The following PHF19 variants were observed in gnomAD, a reference collection of about 807,000 sequenced individuals.
The protein encoded by PHF19 is PHD finger protein 19, also known as polycomb like 3.
In PHF19, 21 loss-of-function variants were observed where a neutral mutation model predicts 79.8. The observed-to-expected ratio is 0.26, with a 90% CI of 0.19 to 0.38. The LOEUF (loss-of-function observed/expected upper bound fraction) is 0.38. Ranked by LOEUF, PHF19 falls within the 10% of genes least tolerant of loss-of-function variation. The pLI is 1.00. For missense variants in PHF19, 445 were observed against 744.2 expected, an observed-to-expected ratio of 0.60 and a Z score of 4.68; for synonymous variants, 273 against 296.3, an observed-to-expected ratio of 0.92 and a Z score of 0.81.
chr9:120,869,144 T>A lies in PHF19; in HGVS notation c.614+38A>T. ...TCCCTGCTGGCGATTCTTGGAGACC[T>A]GCCCTGCCGCCCGGGGGGCCCTGAC... On this transcript the variant is annotated intron_variant, in intron 6 of 14. Transcript: ENST00000373896. This position sits in a 1 kb window ranked among gnomAD's most constrained non-coding sequence, Gnocchi z 5.8. 1 of 1,577,564 alleles carries A rather than the reference T, an allele frequency of 6.3e-7. No homozygotes were observed. Among genetic ancestry groups the A allele is most frequent in the Non-Finnish European group, 8.6e-7 (1 of 1,162,366 alleles).
chr9:120,901,011 C>T, the PHF19 span, among the ~76,000 whole-genome samples: 3 of 152,244 alleles, frequency 2.0e-5, no homozygotes, highest in Non-Finnish European at 4.4e-5. Flanking sequence ...GCTTGTATGG[C>T]ACTGACTGCT....
upstream of PHF19, among the ~76,000 whole-genome samples, chr9:120,881,167 TGAGA>T (rs1166987050): frequency 8.0e-6 from 1 of 124,586 alleles, no homozygotes. Flanking sequence ...TTTTTTTTTT[TGAGA>T]GAGTCTCGCT....
intron 3 of PHF19, among the ~76,000 whole-genome samples, chr9:120,873,568 G>C (rs150420228): frequency 6.6e-6 from 1 of 152,360 alleles, no homozygotes; most frequent in Non-Finnish European, 1.5e-5. Flanking sequence ...TGTTAAATCA[G>C]GGACACTGTG....
upstream of PHF19, chr9:120,877,441 G>A (rs1337161112): frequency 3.3e-5 from 24 of 728,068 alleles, 1 homozygote; most frequent in South Asian, 1.2e-3. Context: ...GCCCCCGCCC[G>A]CCCCCGCCCG....
chr9:120,860,159 GAGA>G lies in PHF19; in HGVS notation c.1328_1330del (p.Phe443del), dbSNP rs2045478013. The G allele has an allele frequency of 4.4e-6, 7 of 1,596,408 alleles. No homozygotes were observed. The highest frequency in any genetic ancestry group is 3.4e-4 in the Middle Eastern group (2 of 5,926). On this transcript the variant is annotated inframe_deletion, in exon 14 of 15. Transcript: ENST00000373896. The surrounding 1 kb of genome is among the most constrained non-coding windows in gnomAD (Gnocchi z 4.1). The stretch of plus-strand genomic sequence containing the variant: ...GGCAGCGTCGGTGGAGTCGACATCT[GAGA>G]AGAAGGTCTGGCCTGAGCTGGCACT...
upstream of PHF19, among the ~76,000 whole-genome samples, chr9:120,881,135 C>A (rs1315425059): frequency 7.0e-6 from 1 of 142,184 alleles, no homozygotes; most frequent in African/African-American, 2.6e-5. Flanking sequence ...CAGAAGGAAG[C>A]ACATCGGGGG....
intron 1 of PHF19, among the ~76,000 whole-genome samples, chr9:120,894,226 A>G (rs1270506434): frequency 6.6e-6 from 1 of 152,176 alleles, no homozygotes; most frequent in Non-Finnish European, 1.5e-5. Context: ...CTGATCACCC[A>G]CTACCTTTGG....
intron 1 of PHF19, among the ~76,000 whole-genome samples, chr9:120,876,611 C>A (rs1324598093): frequency 6.6e-6 from 1 of 152,076 alleles, no homozygotes; most frequent in Non-Finnish European, 1.5e-5. Flanking sequence ...GGGCAGGAAG[C>A]GAGGATGATT....
At chr9:120,876,276 C>A (rs1259064019) in intron 1 of PHF19, 1 of 152,336 alleles carries the variant, frequency 6.6e-6, no homozygotes, top group African/African-American at 2.4e-5. Context: ...TCCCTGTCCT[C>A]TCCCTGCCAC....
In PHF19 at chr9:120,869,856, G is replaced by A. The variant is rs2045840347; in HGVS notation, c.454C>T (p.Leu152=). The change falls in exon 5 of 15, where the codon CTG becomes TTG. Residue 152 remains leucine (L), a synonymous_variant. Transcript: ENST00000373896. This position sits in a 1 kb window ranked among gnomAD's most constrained non-coding sequence, Gnocchi z 5.8. Reference sequence around the variant, plus strand: ...GATGGAAGGCTCACCCGCACAGCCAGTGCGAAGATGCAGCGTCGGCAGAAC... The same window carrying A: ...GATGGAAGGCTCACCCGCACAGCCAATGCGAAGATGCAGCGTCGGCAGAAC... ...PWFCRRCIFA[L]AVRKGGALKK... The A allele has an allele frequency of 1.9e-6, 3 of 1,612,494 alleles. No individual in the cohort carries two copies. In the South Asian group the frequency reaches 3.3e-5, roughly 18 times the overall value.
intron 3 of PHF19, among the ~76,000 whole-genome samples, chr9:120,873,304 TTG>T (rs2045957819): frequency 6.6e-6 from 1 of 152,212 alleles, no homozygotes; most frequent in South Asian, 2.1e-4. Flanking sequence ...CTGATGTCTG[TTG>T]TGTGTATGGG....
chr9:120,872,138 A>G (rs967118285), intron 3 of PHF19, among the ~76,000 whole-genome samples: 1 of 150,726 alleles, frequency 6.6e-6, no homozygotes, highest in Admixed American at 6.6e-5. Context: ...GTGTTCCAAG[A>G]CGTTTGTTGA....
intron 1 of PHF19, among the ~76,000 whole-genome samples, chr9:120,886,086 C>T (rs1310024472): frequency 6.6e-6 from 1 of 152,238 alleles, no homozygotes; most frequent in Non-Finnish European, 1.5e-5. Flanking sequence ...TGTCTTATAG[C>T]TGCTTCTTCC....
At chr9:120,868,213 A>C (rs1288856139) in intron 6 of PHF19, 1 of 152,386 alleles carries the variant, frequency 6.6e-6, no homozygotes, top group African/African-American at 2.4e-5. Context: ...CTGGGACTAC[A>C]GGCGTGTGCC....
At chr9:120,877,984 G>A (rs10985071), upstream of PHF19, among the ~76,000 whole-genome samples, 8,846 of 152,250 alleles carry the variant, frequency 0.058, 769 homozygotes, top group African/African-American at 0.19. Context: ...AGAGACACAA[G>A]TTTTCCTGAA....
chr9:120,877,040 G>T, intron 1 of PHF19, 51 bp downstream of exon 1: 1 of 985,554 alleles, frequency 1.0e-6, no homozygotes, highest in East Asian at 1.1e-4. Flanking sequence ...AGGGATGAGG[G>T]CCGGGAGGGG....
chr9:120,870,756 A>G lies in PHF19; in HGVS notation c.269-218T>C, dbSNP rs1202746081. ...GAAAGGTTAAGTCCCTTGCTTAGCT[A>G]GTAAGTAGGTGAGGGGGGGATTAAA... On this transcript the variant is annotated intron_variant, in intron 3 of 14. Coordinates refer to ENST00000373896, the MANE Select transcript of PHF19 (RefSeq NM_015651.3). The surrounding 1 kb of genome is among the most constrained non-coding windows in gnomAD (Gnocchi z 4.4). Among the ~76,000 whole-genome samples, 2 of 152,218 alleles carry G rather than the reference A, an allele frequency of 1.3e-5. No homozygotes were observed. Among genetic ancestry groups the G allele is most frequent in the African/African-American group, 4.8e-5 (2 of 41,452 alleles).
At chr9:120,897,755 G>A (rs988947032), upstream of PHF19, among the ~76,000 whole-genome samples, 4 of 152,072 alleles carry the variant, frequency 2.6e-5, no homozygotes, top group African/African-American at 9.7e-5. Flanking sequence ...GAGGCAGGCG[G>A]ATCACTTGAG....
upstream of PHF19, among the ~76,000 whole-genome samples, chr9:120,880,789 A>G (rs542406465): frequency 6.6e-6 from 1 of 151,304 alleles, no homozygotes; most frequent in Non-Finnish European, 1.5e-5. Context: ...GCGAAACCCT[A>G]TCTCTACTAA....
Sources: allele counts gnomAD v4.1 joint callset (sites outside exome capture counted in the v4.1 genomes callset), GRCh38; gene constraint gnomAD v4.1.1; non-coding constraint Gnocchi (gnomAD v3.1); transcripts MANE v1.5; gene names NCBI Gene and HGNC (gene_info 2026-07-23, HGNC 2026-07-21).